The following EIF4H variants were observed in gnomAD, a reference collection of about 807,000 sequenced individuals.
EIF4H encodes eukaryotic translation initiation factor 4H.
Under a neutral mutation model 30.6 loss-of-function variants are expected in EIF4H, and 8 were observed. The observed-to-expected ratio is 0.26, with a 90% confidence interval of 0.15 to 0.47. The LOEUF (loss-of-function observed/expected upper bound fraction) is 0.47, where lower values mean the gene tolerates loss of function less well. Ranked by LOEUF, EIF4H falls within the 20% of genes least tolerant of loss-of-function variation. The pLI is 0.99. For synonymous variants in EIF4H, 106 were observed against 122.7 expected (o/e 0.86, Z 0.90); for missense variants, 188 against 339.5 (o/e 0.55, Z 3.51).
chr7:74,177,796 G>T (rs1554707899), intron 1 of EIF4H, among the ~76,000 whole-genome samples: 1 of 152,154 alleles, frequency 6.6e-6, no homozygotes. Flanking sequence ...TTTGCTAAGA[G>T]GTCTCTGCAT....
At chr7:74,189,648 A>T in intron 2 of EIF4H, 25 bp from the exon 3 acceptor site, 1 of 1,611,674 alleles carries the variant, frequency 6.2e-7, no homozygotes, top group South Asian at 1.1e-5. Context: ...ACTTGAGGAA[A>T]TCGGGGTCTT....
At chr7:74,174,837 C>T (rs1800800997) in intron 1 of EIF4H, among the ~76,000 whole-genome samples, 1 of 152,238 alleles carries the variant, frequency 6.6e-6, no homozygotes, top group Non-Finnish European at 1.5e-5. Context: ...GCTCCGGTCC[C>T]GGCCTCTTTC....
At position 74,195,151 on chromosome 7, in the gene EIF4H, C is replaced by G. The variant is rs1801315199; in HGVS notation, c.608-18C>G. On this transcript the variant is annotated intron_variant, in intron 6 of 6. Transcript: ENST00000265753. ...AATGGGATCCACACTCTGACAAACT[C>G]TGCTTTTTCTCCCCCAGAGGAAAGA... The G allele has an allele frequency of 1.2e-6, 2 of 1,613,196 alleles. No homozygotes were observed. Among genetic ancestry groups the G allele is most frequent in the Non-Finnish European group, 1.7e-6 (2 of 1,179,452 alleles).
chr7:74,186,594 A>G (rs1440221000), intron 1 of EIF4H, among the ~76,000 whole-genome samples: 4 of 152,138 alleles, frequency 2.6e-5, no homozygotes, highest in Non-Finnish European at 5.9e-5. Context: ...ATACCTATGC[A>G]GAGTAAACGA....
intron 5 of EIF4H, 31 bp downstream of exon 5, chr7:74,190,337 T>A: frequency 1.2e-6 from 2 of 1,607,356 alleles, no homozygotes; most frequent in Non-Finnish European, 1.7e-6. Flanking sequence ...ACCACTTAAT[T>A]TTTCCTAGGA....
intron 5 of EIF4H, among the ~76,000 whole-genome samples, chr7:74,191,645 T>C (rs1801215899): frequency 6.6e-6 from 1 of 152,150 alleles, no homozygotes; most frequent in Non-Finnish European, 1.5e-5. Flanking sequence ...AAAAACAAAA[T>C]AGAGCAACAG....
intron 1 of EIF4H, among the ~76,000 whole-genome samples, chr7:74,174,679 A>G (rs1359342600): frequency 3.1e-5 from 3 of 97,284 alleles, no homozygotes; most frequent in Non-Finnish European, 5.2e-5. Context: ...CCTCCCGCCA[A>G]CGACAACGTG....
At chr7:74,177,998 T>C (rs1248696971) in intron 1 of EIF4H, among the ~76,000 whole-genome samples, 7 of 152,146 alleles carry the variant, frequency 4.6e-5, no homozygotes, top group Non-Finnish European at 1.0e-4. Flanking sequence ...TGGAGTGCAG[T>C]GGCAGGATCA....
chr7:74,188,448 A>G (rs2115974593), intron 2 of EIF4H, among the ~76,000 whole-genome samples: 1 of 152,246 alleles, frequency 6.6e-6, no homozygotes, highest in South Asian at 2.1e-4. Context: ...GGCCCGCATA[A>G]TCCACCCAAA....
chr7:74,180,447 G>C (rs1194026333), intron 1 of EIF4H, among the ~76,000 whole-genome samples: 1 of 152,092 alleles, frequency 6.6e-6, no homozygotes, highest in Non-Finnish European at 1.5e-5. Flanking sequence ...CTTTACCAAG[G>C]ATATTCCTAA....
rs1256784031 is a variant in EIF4H at position 74,187,519 on chromosome 7, G to C, written c.60-92G>C. The C allele has an allele frequency of 3.9e-6, 5 of 1,291,796 alleles. No individual in the cohort carries two copies. In the African/African-American group the frequency reaches 7.6e-5, roughly 20 times the overall value. 80.0% of individuals were successfully genotyped at this position (1,291,796 alleles called of 1,614,324 possible). ...CATCGAGCAGAGTGCCTCACCTGGG[G>C]CGCTGGCGGCGTAGCTCAGCGGAAG... On this transcript the variant is annotated intron_variant, in intron 1 of 6. Coordinates refer to ENST00000265753, the MANE Select transcript of EIF4H (RefSeq NM_022170.2).
At chr7:74,176,129 T>C (rs569335539) in intron 1 of EIF4H, among the ~76,000 whole-genome samples, 1 of 152,312 alleles carries the variant, frequency 6.6e-6, no homozygotes, top group Non-Finnish European at 1.5e-5. Flanking sequence ...TTACTTGGAA[T>C]TTTCTATTTG....
intron 5 of EIF4H, chr7:74,191,157 T>C (rs1801200119): frequency 1.9e-6 from 1 of 533,036 alleles, no homozygotes. Context: ...GCTGAACAGG[T>C]GACGACTACC....
intron 5 of EIF4H, chr7:74,191,169 G>A (rs368713435): frequency 1.3e-5 from 7 of 533,270 alleles, no homozygotes; most frequent in Admixed American, 2.0e-5. Flanking sequence ...ACGACTACCT[G>A]TTGAATAATA....
rs1801117474 is a variant in EIF4H, at chr7:74,187,649, A to G, written c.98A>G (p.Gln33Arg). The part of the protein sequence containing the change: ...GSAGGHGSRS[Q>R]KELPTEPPYT... ...GCTGGTGGCCATGGTTCCCGTAGCC[A>G]GAAGGAGTTGCCCACAGAGCCCCCC... The change falls in exon 2 of 7, where the codon CAG (glutamine) becomes CGG (arginine). Residue 33 changes from glutamine (Q) to arginine (R), a missense_variant. Gln to Arg is a conservative substitution (Grantham distance 43). Around this residue, in one of 4 missense-constraint regions of EIF4H, gnomAD observed 52 missense variants for 143.9 expected, o/e 0.36. Coordinates refer to ENST00000265753, the MANE Select transcript of EIF4H (RefSeq NM_022170.2). 1 of 1,611,022 alleles carries G rather than the reference A, an allele frequency of 6.2e-7. No homozygotes were observed. Among genetic ancestry groups the G allele is most frequent in the Non-Finnish European group, 8.5e-7 (1 of 1,178,048 alleles).
rs1277905069 is a variant in EIF4H at position 74,195,134 on chromosome 7, CCA to C, written c.608-31_608-30del. ...CGTTTTGCTGGATATGGAATGGGATCCACACTCTGACAAACTCTGCTTTTTCT... is the reference window on the plus strand; with the variant it reads ...CGTTTTGCTGGATATGGAATGGGATCCACTCTGACAAACTCTGCTTTTTCT... On this transcript the variant is annotated intron_variant, in intron 6 of 6. Transcript: ENST00000265753. The C allele has an allele frequency of 5.0e-6, 8 of 1,610,568 alleles. No homozygotes were observed. In the African/African-American group the frequency reaches 1.1e-4, roughly 22 times the overall value.
At position 74,177,918 on chromosome 7, in the gene EIF4H, C is replaced by T. The variant is rs138989623; in HGVS notation, c.59+3476C>T. 4.1e-3 allele frequency among the ~76,000 whole-genome samples: 630 copies of T among 152,270 alleles called. 2 individuals carry two copies. Among genetic ancestry groups the T allele is most frequent in the South Asian group, 8.9e-3 (43 of 4,830 alleles). ...TAAGTTTCTTCACCTCTCTGAGCCT[C>T]GTTTTCCCCACATATGAGTTAGAAA... On this transcript the variant is annotated intron_variant, in intron 1 of 6. Transcript: ENST00000265753.
At chr7:74,190,429 C>G (rs1201872927) in intron 5 of EIF4H, 123 bp downstream of exon 5, 14 of 954,924 alleles carry the variant, frequency 1.5e-5, no homozygotes, top group Non-Finnish European at 2.1e-5. Flanking sequence ...ATACAACTCT[C>G]CTGCAGGGTG....
chr7:74,180,861 T>C (rs1800943429), intron 1 of EIF4H, among the ~76,000 whole-genome samples: 2 of 152,222 alleles, frequency 1.3e-5, no homozygotes, highest in Non-Finnish European at 2.9e-5. Context: ...ATCTTGGCCT[T>C]CTTCAGAGAC....
Sources: gnomAD v4.1 joint callset for allele counts (sites outside exome capture counted in the v4.1 genomes callset) on GRCh38, gnomAD v4.1.1 for gene constraint, gnomAD v4.1.1 regional missense constraint, MANE v1.5 for transcripts, NCBI Gene and HGNC (gene_info 2026-07-23, HGNC 2026-07-21) for gene names.